The following FRMD4A variants were observed in gnomAD, a reference collection of about 807,000 sequenced individuals.
FRMD4A encodes the protein FERM domain-containing protein 4A.
A neutral mutation model predicts 129.1 loss-of-function variants in FRMD4A; 29 were observed. The observed-to-expected ratio is 0.22, with a 90% CI of 0.17 to 0.31. The LOEUF is 0.31. FRMD4A is among the 10% of genes least tolerant of loss of function. The pLI is 1.00. For synonymous variants in FRMD4A, 634 were observed against 571.6 expected (o/e 1.11, Z -1.56); for missense variants, 1,272 against 1,375.8 (o/e 0.92, Z 1.19).
intron 2 of FRMD4A, among the ~76,000 whole-genome samples, chr10:13,937,661 T>C (rs1421899528): frequency 1.3e-5 from 2 of 152,086 alleles, no homozygotes; most frequent in Non-Finnish European, 2.9e-5. Context: ...CATAAATTAA[T>C]ATTTATGATG....
intron 5 of FRMD4A, among the ~76,000 whole-genome samples, chr10:13,791,758 G>A (rs1421712361): frequency 6.6e-6 from 1 of 152,224 alleles, no homozygotes; most frequent in Non-Finnish European, 1.5e-5. Flanking sequence ...GAGGAGCAGT[G>A]AGCAGGCTGC....
intron 2 of FRMD4A, among the ~76,000 whole-genome samples, chr10:13,984,947 G>T (rs922368646): frequency 6.6e-6 from 1 of 152,238 alleles, no homozygotes; most frequent in African/African-American, 2.4e-5. Context: ...TGTGCTGTTA[G>T]ATACTGATCT....
chr10:14,274,778 A>G (rs995702966), intron 2 of FRMD4A, among the ~76,000 whole-genome samples: 6 of 152,180 alleles, frequency 3.9e-5, no homozygotes, highest in Non-Finnish European at 5.9e-5. Context: ...GTCCAGCCCA[A>G]TTCCACGTCT....
In FRMD4A at chr10:13,657,084, C is replaced by T. The variant is rs755522059; in HGVS notation, c.2505G>A (p.Lys835=). Residue 835 remains lysine, a synonymous_variant, in exon 22 of 25, where the codon AAG becomes AAA. Transcript: ENST00000357447. ...QSQPSSQYRI[K]EYPLYIEGGA... ...CGCCCTCGATGTACAGCGGGTACTC[C>T]TTGATGCGGTACTGCGAGCTGGGCT... 38 of 1,576,956 alleles carry T rather than the reference C, an allele frequency of 2.4e-5. No homozygotes were observed. Among genetic ancestry groups the T allele is most frequent in the Non-Finnish European group, 3.2e-5 (37 of 1,167,918 alleles).
rs146181308 is a variant in FRMD4A at position 14,323,889 on chromosome 10, T to C, written c.45+6169A>G. ...CTCATTTACCTACATTCACTAACTC[T>C]AAGAACAAGTAACCCTAGAGCTGCT... On this transcript the variant is annotated intron_variant, in intron 2 of 24. Transcript: ENST00000357447. 5.6e-4 allele frequency among the ~76,000 whole-genome samples: 85 copies of C among 152,280 alleles called. 2 individuals carry two copies. In the East Asian group the frequency reaches 0.014, roughly 24 times the overall value.
At chr10:14,104,613 G>A (rs900499384) in intron 2 of FRMD4A, among the ~76,000 whole-genome samples, 9 of 152,214 alleles carry the variant, frequency 5.9e-5, no homozygotes, top group Non-Finnish European at 1.0e-4. Context: ...AGCCCGACCT[G>A]AGTAGAAAGG....
At chr10:13,739,185 A>G (rs762328200) in intron 11 of FRMD4A, among the ~76,000 whole-genome samples, 4 of 152,244 alleles carry the variant, frequency 2.6e-5, no homozygotes, top group African/African-American at 4.8e-5. Context: ...GATGAAAGGC[A>G]AAAGAGATAA....
chr10:14,260,117 G>T (rs1248016896), intron 2 of FRMD4A, among the ~76,000 whole-genome samples: 1 of 152,040 alleles, frequency 6.6e-6, no homozygotes, highest in Non-Finnish European at 1.5e-5. Flanking sequence ...GTGCAGGAGG[G>T]AGAACATCGT....
chr10:14,150,938 G>C (rs1840309366), intron 2 of FRMD4A, among the ~76,000 whole-genome samples: 1 of 152,194 alleles, frequency 6.6e-6, no homozygotes, highest in South Asian at 2.1e-4. Context: ...GGCTTTTTCT[G>C]GAGAAATCTC....
chr10:13,867,485 TC>T (rs2094382258), intron 2 of FRMD4A, among the ~76,000 whole-genome samples: 1 of 149,596 alleles, frequency 6.7e-6, no homozygotes, highest in Non-Finnish European at 1.5e-5. Flanking sequence ...GCTCTTGAAC[TC>T]CTGGGCTCAA....
chr10:14,108,429 T>C (rs908869288), intron 2 of FRMD4A, among the ~76,000 whole-genome samples: 1 of 152,206 alleles, frequency 6.6e-6, no homozygotes, highest in South Asian at 2.1e-4. Flanking sequence ...TGAGAAGTAG[T>C]ATTATGAGGA....
chr10:14,134,796 A>G (rs1663789583), intron 2 of FRMD4A, among the ~76,000 whole-genome samples: 1 of 152,168 alleles, frequency 6.6e-6, no homozygotes, highest in Admixed American at 6.5e-5. Flanking sequence ...GGAGGTGTGG[A>G]GACCCAAGGA....
chr10:14,168,541 G>A (rs1841310511), intron 2 of FRMD4A, among the ~76,000 whole-genome samples: 2 of 152,112 alleles, frequency 1.3e-5, no homozygotes, highest in Non-Finnish European at 2.9e-5. Context: ...GACCTCCCAG[G>A]AATCTTGCAA....
intron 2 of FRMD4A, among the ~76,000 whole-genome samples, chr10:14,213,402 G>GGT (rs1842984236): frequency 6.6e-6 from 1 of 152,212 alleles, no homozygotes; most frequent in South Asian, 2.1e-4. Flanking sequence ...AGCCATGTGA[G>GGT]GTAGGTGCTG....
intron 2 of FRMD4A, among the ~76,000 whole-genome samples, chr10:13,892,809 G>A (rs555123948): frequency 6.6e-6 from 1 of 152,234 alleles, no homozygotes; most frequent in East Asian, 1.9e-4. Flanking sequence ...AGGCTCTGAG[G>A]ACTTACAAAC....
intron 12 of FRMD4A, among the ~76,000 whole-genome samples, chr10:13,715,323 C>T (rs544792746): frequency 1.8e-4 from 27 of 152,040 alleles, no homozygotes; most frequent in Non-Finnish European, 3.7e-4. Flanking sequence ...ATTGTAAATC[C>T]AGAGAATGTC....
At chr10:14,237,114 G>A (rs1843851854) in intron 2 of FRMD4A, among the ~76,000 whole-genome samples, 1 of 151,666 alleles carries the variant, frequency 6.6e-6, no homozygotes, top group Non-Finnish European at 1.5e-5. Flanking sequence ...CTTAAGCAGA[G>A]GTGAATTCTT....
chr10:13,951,280 G>A (rs1225027973), intron 2 of FRMD4A, among the ~76,000 whole-genome samples: 6 of 152,118 alleles, frequency 3.9e-5, no homozygotes, highest in African/African-American at 9.7e-5. Context: ...GATGCGGGGC[G>A]CCAGGAAGAG....
chr10:13,654,457 G>A lies in FRMD4A; in HGVS notation c.3009C>T (p.Thr1003=). The A allele has an allele frequency of 6.2e-7, 1 of 1,613,656 alleles. No individual in the cohort carries two copies. Among genetic ancestry groups the A allele is most frequent in the Non-Finnish European group, 8.5e-7 (1 of 1,179,608 alleles). ...SSTPSSEIGA[T]PPSSPHHILT... Reference sequence around the variant, plus strand: ...GGATGTGGTGGGGGCTGCTTGGGGGGGTGGCTCCAATTTCACTTGACGGTG... The same window carrying A: ...GGATGTGGTGGGGGCTGCTTGGGGGAGTGGCTCCAATTTCACTTGACGGTG... Residue 1003 remains threonine (T), a synonymous_variant, in exon 23 of 25, where the codon ACC becomes ACT. Transcript: ENST00000357447.
Sources: allele counts gnomAD v4.1 joint callset (sites outside exome capture counted in the v4.1 genomes callset), GRCh38; gene constraint gnomAD v4.1.1; transcripts MANE v1.5; gene names NCBI Gene and HGNC (gene_info 2026-07-23, HGNC 2026-07-21).